Variants in OTUD7A observed in about 807,000 individuals in gnomAD.
The protein encoded by OTUD7A is OTU deubiquitinase 7A, also known as OTU domain-containing protein 7A.
A neutral mutation model predicts 65.7 loss-of-function variants in OTUD7A; 12 were observed. The ratio of observed to expected loss-of-function variants is 0.18; its 90% CI spans 0.12 to 0.30. The LOEUF is 0.30. OTUD7A is among the 10% of genes least tolerant of loss of function. The pLI is 1.00. For missense variants in OTUD7A, 1,148 were observed against 1,304.8 expected, an observed-to-expected ratio of 0.88 and a Z score of 1.85; for synonymous variants, 641 against 586.3, an observed-to-expected ratio of 1.09 and a Z score of -1.35.
At chr15:31,635,767 T>C (rs1055305108) in intron 3 of OTUD7A, among the ~76,000 whole-genome samples, 2 of 152,244 alleles carry the variant, frequency 1.3e-5, no homozygotes, top group Admixed American at 1.3e-4. Context: ...GAAAACTGTC[T>C]TGTTAATTCA....
In OTUD7A at chr15:31,793,773, C is replaced by T. The variant is rs116535741; in HGVS notation, c.-100+76734G>A. On this transcript the variant is annotated intron_variant, in intron 1 of 12. Coordinates refer to ENST00000307050, the MANE Select transcript of OTUD7A (RefSeq NM_001382637.1). ...TTTCTTTTGCTTTTTAGCCCTGTGG[C>T]TTTCCTGTTCTGTAAAATGCCTGAT... is the stretch of plus-strand genomic sequence containing the variant. Among the ~76,000 whole-genome samples the T allele has an allele frequency of 6.1e-3, 926 of 152,308 alleles. 12 individuals are homozygous for T. Among genetic ancestry groups the T allele is most frequent in the African/African-American group, 0.02 (834 of 41,566 alleles).
chr15:31,564,539 T>C (rs1265852475), intron 4 of OTUD7A, among the ~76,000 whole-genome samples: 5 of 152,226 alleles, frequency 3.3e-5, no homozygotes, highest in South Asian at 4.1e-4. Flanking sequence ...TATTAATACA[T>C]GTATTTTGCA....
intron 5 of OTUD7A, among the ~76,000 whole-genome samples, chr15:31,555,372 A>G (rs1253722299): frequency 6.6e-6 from 1 of 152,192 alleles, no homozygotes; most frequent in Non-Finnish European, 1.5e-5. Context: ...TCAATCTCTC[A>G]TGTATTCAGT....
intron 1 of OTUD7A, among the ~76,000 whole-genome samples, chr15:31,676,340 C>T (rs916029108): frequency 1.6e-4 from 24 of 151,992 alleles, no homozygotes; most frequent in Non-Finnish European, 2.2e-4. Context: ...AGTAAATCCA[C>T]GGGCTTAATA....
At chr15:31,500,238 G>A (rs529734368) in intron 10 of OTUD7A, among the ~76,000 whole-genome samples, 7 of 152,334 alleles carry the variant, frequency 4.6e-5, no homozygotes, top group Admixed American at 6.5e-5. Flanking sequence ...TCCGCATTCC[G>A]GATTGAAAGT....
At chr15:31,791,374 T>G (rs988989648) in intron 1 of OTUD7A, among the ~76,000 whole-genome samples, 1 of 152,182 alleles carries the variant, frequency 6.6e-6, no homozygotes, top group Non-Finnish European at 1.5e-5. Flanking sequence ...GAAATTTTTT[T>G]GTTAAATATA....
chr15:31,558,556 A>G, intron 5 of OTUD7A: 1 of 216,742 alleles, frequency 4.6e-6, no homozygotes, highest in Non-Finnish European at 9.3e-6. Context: ...TGAGGCTGAG[A>G]GAGATCACCT....
At chr15:31,774,744 T>C (rs1366500342) in intron 1 of OTUD7A, among the ~76,000 whole-genome samples, 1 of 152,190 alleles carries the variant, frequency 6.6e-6, no homozygotes, top group Non-Finnish European at 1.5e-5. Flanking sequence ...GGAAATACTA[T>C]CAGCCACTTA....
chr15:31,868,512 CAA>C (rs1307721933), intron 1 of OTUD7A, among the ~76,000 whole-genome samples: 2 of 152,180 alleles, frequency 1.3e-5, no homozygotes, highest in African/African-American at 4.8e-5. Flanking sequence ...TGCCACAACT[CAA>C]GAGTTAAGTT....
Position 31,483,605 on chromosome 15 carries a change from C to G in OTUD7A, c.2491G>C (p.Glu831Gln). ...CCGGGCACCGCGCGCGCCAGCGACT[C>G]GACCGTGTTGACGGTGCGCAGGGCG... Reference protein sequence around the residue: ...AAALRTVNTVESLARAVPGAL... With the variant: ...AAALRTVNTVQSLARAVPGAL... Residue 831 changes from glutamate to glutamine, a missense_variant, in exon 13 of 13, where the codon GAG becomes CAG. This residue lies in a region of OTUD7A where 842 missense variants were observed against 769.5 expected (regional missense o/e 1.09). Coordinates refer to ENST00000307050, the MANE Select transcript of OTUD7A (RefSeq NM_001382637.1). 8.2e-7 allele frequency: 1 copy of G among 1,221,676 alleles called. No homozygotes were observed. The highest frequency in any genetic ancestry group is 1.0e-6 in the Non-Finnish European group (1 of 984,798). The allele number at this position is 1,221,676 out of a possible 1,614,324, so 75.7% of individuals were successfully genotyped here. A position where few individuals can be genotyped will look rare whatever the true frequency, so the allele number is the denominator to read the frequency against.
intron 4 of OTUD7A, among the ~76,000 whole-genome samples, chr15:31,565,422 C>CT (rs1595615264): frequency 6.6e-6 from 1 of 152,100 alleles, no homozygotes; most frequent in Non-Finnish European, 1.5e-5. Context: ...AAATGAGTTT[C>CT]TTTTTTCCAT....
At chr15:31,669,505 C>G (rs574212037) in intron 1 of OTUD7A, among the ~76,000 whole-genome samples, 174 of 152,312 alleles carry the variant, frequency 1.1e-3, no homozygotes, top group Non-Finnish European at 1.7e-3. Context: ...TGTGCCTCCC[C>G]TAACAGCCCC....
chr15:31,652,377 G>A (rs1891866568), intron 3 of OTUD7A, among the ~76,000 whole-genome samples: 1 of 152,282 alleles, frequency 6.6e-6, no homozygotes, highest in African/African-American at 2.4e-5. Context: ...AAACATGAAA[G>A]TATAAAACTT....
At chr15:31,628,186 G>C (rs576789326) in intron 3 of OTUD7A, among the ~76,000 whole-genome samples, 34 of 152,256 alleles carry the variant, frequency 2.2e-4, no homozygotes, top group Middle Eastern at 3.4e-3. Context: ...GTCCTGAATG[G>C]TATTGCCTAG....
intron 1 of OTUD7A, among the ~76,000 whole-genome samples, chr15:31,816,617 C>A (rs1041644776): frequency 2.0e-5 from 3 of 151,924 alleles, no homozygotes; most frequent in African/African-American, 7.3e-5. Context: ...TGGCGTGAAC[C>A]TGGGAGGCAG....
In OTUD7A at chr15:31,839,926, G is replaced by C. The variant is rs55653918; in HGVS notation, c.-100+30581C>G. On this transcript the variant is annotated intron_variant, in intron 1 of 12. Transcript: ENST00000307050. ...GATACAAAATATAAATGATATTTTGGAAGTTGTATTATTTACTTTAAAAAA... is the reference window on the plus strand; with the variant it reads ...GATACAAAATATAAATGATATTTTGCAAGTTGTATTATTTACTTTAAAAAA... 4.3e-3 allele frequency among the ~76,000 whole-genome samples: 629 copies of C among 146,694 alleles called. 3 individuals carry two copies. Among genetic ancestry groups the C allele is most frequent in the Non-Finnish European group, 7.2e-3 (481 of 67,216 alleles).
chr15:31,590,505 G>C (rs1261945519), intron 3 of OTUD7A, among the ~76,000 whole-genome samples: 1 of 152,090 alleles, frequency 6.6e-6, no homozygotes, highest in Non-Finnish European at 1.5e-5. Context: ...TTCATCACGT[G>C]ATGGAAATAC....
chr15:31,655,323 G>C, intron 2 of OTUD7A, 73 bp from the exon 3 acceptor site: 4 of 666,052 alleles, frequency 6.0e-6, no homozygotes, highest in Non-Finnish European at 1.0e-5. Flanking sequence ...TACATGCAGA[G>C]ACCTGAGCGA....
chr15:31,616,126 C>CTT (rs1890578168), intron 3 of OTUD7A, among the ~76,000 whole-genome samples: 4 of 152,244 alleles, frequency 2.6e-5, no homozygotes. Context: ...GCAATGGGGT[C>CTT]TTGCACAACT....
Sources: gnomAD v4.1 joint callset for allele counts (sites outside exome capture counted in the v4.1 genomes callset) on GRCh38, gnomAD v4.1.1 for gene constraint, gnomAD v4.1.1 regional missense constraint, MANE v1.5 for transcripts, NCBI Gene and HGNC (gene_info 2026-07-23, HGNC 2026-07-21) for gene names.